Variants in CLCN3 observed in about 807,000 individuals in gnomAD.
The protein encoded by CLCN3 is Cl-/H+ antiporter 3.
Under a neutral mutation model 83.4 loss-of-function variants are expected in CLCN3, and 16 were observed. The ratio of observed to expected loss-of-function variants is 0.19; its 90% CI spans 0.13 to 0.29. The LOEUF (loss-of-function observed/expected upper bound fraction) is 0.29, where lower values mean the gene tolerates loss of function less well. CLCN3 is among the 10% of genes least tolerant of loss of function. The probability of loss-of-function intolerance (pLI) is 1.00; values close to 1 mark genes in which losing one functional copy is unlikely to be tolerated. For synonymous variants in CLCN3, 322 were observed against 346.2 expected (o/e 0.93, Z 0.78); for missense variants, 544 against 1,006.0 (o/e 0.54, Z 6.21).
chr4:169,678,501 GGGAA>G (rs1450589351), intron 2 of CLCN3, among the ~76,000 whole-genome samples: 1 of 152,096 alleles, frequency 6.6e-6, no homozygotes, highest in Non-Finnish European at 1.5e-5. Flanking sequence ...CAATAGTGGA[GGGAA>G]GGTCAGCAGA....
intron 11 of CLCN3, among the ~76,000 whole-genome samples, chr4:169,712,034 T>TC (rs1733238573): frequency 6.6e-6 from 1 of 150,390 alleles, no homozygotes; most frequent in East Asian, 2.0e-4. Flanking sequence ...TTTTTTTTTT[T>TC]TTTTTTTTTG....
chr4:169,657,742 G>A (rs1730928506), intron 2 of CLCN3, among the ~76,000 whole-genome samples: 1 of 152,132 alleles, frequency 6.6e-6, no homozygotes, highest in African/African-American at 2.4e-5. Flanking sequence ...ATGGCTTCAT[G>A]TGTGCTACTT....
intron 9 of CLCN3, among the ~76,000 whole-genome samples, chr4:169,700,357 A>C (rs80143009): frequency 9.2e-5 from 14 of 152,190 alleles, no homozygotes; most frequent in Non-Finnish European, 1.8e-4. Context: ...TCCCAGGTTC[A>C]AGCGATTCTC....
intron 6 of CLCN3, among the ~76,000 whole-genome samples, chr4:169,691,310 C>T (rs1732365102): frequency 6.6e-6 from 1 of 152,072 alleles, no homozygotes; most frequent in African/African-American, 2.4e-5. Flanking sequence ...AGCCACCACA[C>T]GTGGCTATGA....
Position 169,697,452 on chromosome 4 carries a change from C to A in CLCN3, c.1281C>A (p.Pro427=). Reference sequence around the variant, plus strand: ...AGTCCACGAAATTTGGAAAGTATCCCGTTCTGGAAGTCATTATTGTTGCAG... The same window carrying A: ...AGTCCACGAAATTTGGAAAGTATCCAGTTCTGGAAGTCATTATTGTTGCAG... The part of the protein sequence containing the change: ...RRKSTKFGKY[P]VLEVIIVAAI... The change falls in exon 9 of 13, where the codon CCC becomes CCA. Residue 427 remains proline (P), a synonymous_variant. Transcript: ENST00000513761. 1 of 1,614,180 alleles carries A rather than the reference C, an allele frequency of 6.2e-7. No homozygotes were observed.
chr4:169,635,822 C>T (rs1285525848), intron 1 of CLCN3, 91 bp from the exon 2 acceptor site: 3 of 1,021,306 alleles, frequency 2.9e-6, no homozygotes, highest in Admixed American at 3.1e-5. Context: ...TTTTTTAGCA[C>T]ATAGATCATA....
intron 2 of CLCN3, among the ~76,000 whole-genome samples, chr4:169,637,453 G>A (rs11736294): frequency 0.73 from 111,609 of 151,902 alleles, 41,482 homozygotes; most frequent in East Asian, 0.97. Flanking sequence ...AGGAGTTTGA[G>A]ACCAACCTGG....
rs150157564 is a variant in CLCN3 at position 169,716,050 on chromosome 4, A to G, written c.2366+2755A>G. 3.2e-3 allele frequency among the ~76,000 whole-genome samples: 491 copies of G among 152,264 alleles called. 1 individual carries two copies. Among genetic ancestry groups the G allele is most frequent in the Non-Finnish European group, 6.0e-3 (410 of 67,990 alleles). On this transcript the variant is annotated intron_variant, in intron 12 of 12. Coordinates refer to ENST00000513761, the MANE Select transcript of CLCN3 (RefSeq NM_001829.4). The stretch of plus-strand genomic sequence containing the variant: ...CTCATGGGAACTGGTGTTTCTTGGA[A>G]CATGCTTTGGAAATGCTGGGTTATG...
At chr4:169,663,893 T>A (rs1731152971) in intron 2 of CLCN3, among the ~76,000 whole-genome samples, 1 of 152,194 alleles carries the variant, frequency 6.6e-6, no homozygotes, top group Admixed American at 6.5e-5. Flanking sequence ...ACAGACAGAA[T>A]CCTGTGGAAG....
intron 3 of CLCN3, among the ~76,000 whole-genome samples, chr4:169,686,144 A>G (rs1384641835): frequency 6.6e-6 from 1 of 152,088 alleles, no homozygotes; most frequent in Non-Finnish European, 1.5e-5. Context: ...GGACACAGGA[A>G]GGGGAACATC....
Position 169,636,079 on chromosome 4 carries a change from A to T in CLCN3, c.151A>T (p.Thr51Ser). 1 of 1,611,758 alleles carries T rather than the reference A, an allele frequency of 6.2e-7. No homozygotes were observed. Among genetic ancestry groups the T allele is most frequent in the Non-Finnish European group, 8.5e-7 (1 of 1,178,858 alleles). ...AGATGACAATTTATTAGATGGTGAC[A>T]CTGCAGTTGGTAAGTTCAGCATGAC... ...SEDDNLLDGD[T>S]AVGTHYTMTN... The change falls in exon 2 of 13, where the codon ACT becomes TCT. Residue 51 changes from threonine (T) to serine (S), a missense_variant. Coordinates refer to ENST00000513761, the MANE Select transcript of CLCN3 (RefSeq NM_001829.4).
chr4:169,630,828 C>T (rs1159046300), intron 1 of CLCN3, among the ~76,000 whole-genome samples: 2 of 152,194 alleles, frequency 1.3e-5, no homozygotes, highest in Non-Finnish European at 2.9e-5. Context: ...CGCACCCAGC[C>T]TGTACCATAT....
chr4:169,716,211 C>G (rs894796568), intron 12 of CLCN3, among the ~76,000 whole-genome samples: 2 of 152,302 alleles, frequency 1.3e-5, no homozygotes, highest in South Asian at 4.1e-4. Flanking sequence ...TTATTATGCT[C>G]AAATCGCTCT....
At position 169,706,849 on chromosome 4, in the gene CLCN3, G is replaced by A; in HGVS notation, c.1751-19G>A. ...GAGGATCCTGTCCTTCCTGACCAGT[G>A]GGTGCTTACTTTTTTCAGGTGGTGT... On this transcript the variant is annotated intron_variant, in intron 10 of 12. Coordinates refer to ENST00000513761, the MANE Select transcript of CLCN3 (RefSeq NM_001829.4). The A allele has an allele frequency of 1.9e-6, 3 of 1,599,312 alleles. No individual in the cohort carries two copies. Among genetic ancestry groups the A allele is most frequent in the Non-Finnish European group, 2.6e-6 (3 of 1,169,712 alleles).
chr4:169,674,992 T>C (rs1731620408), intron 2 of CLCN3, among the ~76,000 whole-genome samples: 1 of 152,218 alleles, frequency 6.6e-6, no homozygotes, highest in African/African-American at 2.4e-5. Context: ...TCCGTCCTCC[T>C]CAGCCTGCCA....
At chr4:169,708,472 G>A (rs1345280608) in intron 11 of CLCN3, among the ~76,000 whole-genome samples, 14 of 152,100 alleles carry the variant, frequency 9.2e-5, no homozygotes, top group Admixed American at 9.2e-4. Context: ...ATAGTATTTT[G>A]TCATGCTTGG....
chr4:169,652,984 C>A (rs551948371), intron 2 of CLCN3, among the ~76,000 whole-genome samples: 1 of 152,226 alleles, frequency 6.6e-6, no homozygotes, highest in African/African-American at 2.4e-5. Context: ...TAGACACAAA[C>A]TTTTTGTTGG....
chr4:169,720,253 A>C lies in CLCN3; in HGVS notation c.*256A>C. Reference sequence around the variant, plus strand: ...AACAGAAAGCAGCGTATCAACTCCTATTGTTCTGCACTGGATGCATTCAGC... The same window carrying C: ...AACAGAAAGCAGCGTATCAACTCCTCTTGTTCTGCACTGGATGCATTCAGC... On this transcript the variant is annotated 3_prime_UTR_variant, in exon 13 of 13. Coordinates refer to ENST00000513761, the MANE Select transcript of CLCN3 (RefSeq NM_001829.4). 1 of 573,286 alleles carries C rather than the reference A, an allele frequency of 1.7e-6. No homozygotes were observed. Among genetic ancestry groups the C allele is most frequent in the South Asian group, 2.2e-5 (1 of 45,984 alleles). The allele number at this position is 573,286 out of a possible 1,614,324, so 35.5% of individuals were successfully genotyped here. A position where few individuals can be genotyped will look rare whatever the true frequency, so the allele number is the denominator to read the frequency against.
At position 169,695,614 on chromosome 4, in the gene CLCN3, G is replaced by A; in HGVS notation, c.939G>A (p.Val313=). The A allele has an allele frequency of 6.2e-7, 1 of 1,609,648 alleles. No homozygotes were observed. Among genetic ancestry groups the A allele is most frequent in the African/African-American group, 1.3e-5 (1 of 74,926 alleles). ...AATAAGCCATATCCTCTTTCTAGGTGCTATCAGCTGCCTCAGCTGCAGGGG... is the reference window on the plus strand; with the variant it reads ...AATAAGCCATATCCTCTTTCTAGGTACTATCAGCTGCCTCAGCTGCAGGGG... ...YSTNEAKKRE[V]LSAASAAGVS... Residue 313 remains valine (V), a splice_region_variant and synonymous_variant, in exon 8 of 13, where the codon GTG becomes GTA. Transcript: ENST00000513761.
Sources: gnomAD v4.1 joint callset for allele counts (sites outside exome capture counted in the v4.1 genomes callset) on GRCh38, gnomAD v4.1.1 for gene constraint, MANE v1.5 for transcripts, NCBI Gene and HGNC (gene_info 2026-07-23, HGNC 2026-07-21) for gene names.